Variants in PTPRO observed in about 807,000 individuals in gnomAD.
PTPRO encodes the protein receptor-type tyrosine-protein phosphatase O.
PTPRO carries 62 observed loss-of-function variants against 145.2 expected under a neutral mutation model. The observed-to-expected ratio is 0.43, with a 90% CI of 0.35 to 0.53. PTPRO has a LOEUF of 0.53. Among genes scored for constraint, PTPRO ranks in the 20% least tolerant of loss-of-function variants. PTPRO has a pLI of 0.01. For missense variants in PTPRO, 1,345 were observed against 1,482.7 expected (o/e 0.91, Z 1.53); for synonymous variants, 565 against 514.7 (o/e 1.10, Z -1.32).
intron 1 of PTPRO, among the ~76,000 whole-genome samples, chr12:15,471,650 A>G (rs1941545287): frequency 6.6e-6 from 1 of 152,180 alleles, no homozygotes; most frequent in African/African-American, 2.4e-5. Flanking sequence ...TTGGTCAGAC[A>G]CAATTCTAGG....
chr12:15,401,663 G>A (rs1218282469), intron 1 of PTPRO, among the ~76,000 whole-genome samples: 2 of 152,162 alleles, frequency 1.3e-5, no homozygotes. Context: ...ATTAAAAATT[G>A]TTTATTCATA....
intron 1 of PTPRO, among the ~76,000 whole-genome samples, chr12:15,372,990 G>A (rs909223743): frequency 6.6e-5 from 10 of 152,114 alleles, no homozygotes; most frequent in African/African-American, 1.2e-4. Context: ...TCAGTCAACG[G>A]CATGACTGTC....
chr12:15,386,643 T>C (rs148731379), intron 1 of PTPRO, among the ~76,000 whole-genome samples: 6 of 152,342 alleles, frequency 3.9e-5, no homozygotes, highest in African/African-American at 1.4e-4. Context: ...AGATGCACTG[T>C]ATAATATAGG....
intron 1 of PTPRO, among the ~76,000 whole-genome samples, chr12:15,435,453 C>G (rs1249737230): frequency 1.3e-5 from 2 of 152,042 alleles, no homozygotes. Context: ...TTATTAATGT[C>G]AACAGTGATG....
intron 1 of PTPRO, among the ~76,000 whole-genome samples, chr12:15,385,811 C>CATAAA (rs1939007919): frequency 2.7e-5 from 1 of 37,120 alleles, no homozygotes; most frequent in African/African-American, 9.1e-5. Context: ...GACTCCATCT[C>CATAAA]AAAAAAAAAA....
chr12:15,569,663 C>T (rs1236500332), intron 19 of PTPRO, among the ~76,000 whole-genome samples, 165 bp downstream of exon 19: 1 of 152,072 alleles, frequency 6.6e-6, no homozygotes, highest in African/African-American at 2.4e-5. Context: ...TCAATCCTTG[C>T]TTAGTAGGCA....
At chr12:15,412,915 T>C (rs561219150) in intron 1 of PTPRO, among the ~76,000 whole-genome samples, 3 of 152,280 alleles carry the variant, frequency 2.0e-5, no homozygotes, top group African/African-American at 7.2e-5. Flanking sequence ...TGCCTCAGCC[T>C]CCCAAGTAGA....
chr12:15,354,033 G>A (rs543519585), intron 1 of PTPRO, among the ~76,000 whole-genome samples: 159 of 152,200 alleles, frequency 1.0e-3, no homozygotes, highest in South Asian at 8.5e-3. Flanking sequence ...AGCTGTGTAA[G>A]CTGAACAAAC....
Position 15,595,065 on chromosome 12 carries a change from G to A in PTPRO, c.*16+8G>A. 6.4e-7 allele frequency: 1 copy of A among 1,561,532 alleles called. No homozygotes were observed. The highest frequency in any genetic ancestry group is 8.8e-7 in the Non-Finnish European group (1 of 1,132,836). On this transcript the variant is annotated splice_region_variant and intron_variant, in intron 26 of 26. Transcript: ENST00000281171. Reference sequence around the variant, plus strand: ...AGTTCAGAATCCGGAGCAGTAAGTGGAGAAGAGCTCTCCACGAGTGCTCAG... The same window carrying A: ...AGTTCAGAATCCGGAGCAGTAAGTGAAGAAGAGCTCTCCACGAGTGCTCAG...
chr12:15,409,872 A>G (rs551965537), intron 1 of PTPRO, among the ~76,000 whole-genome samples: 4 of 152,208 alleles, frequency 2.6e-5, no homozygotes, highest in African/African-American at 9.7e-5. Flanking sequence ...ACCTCGCACC[A>G]GGCGCTATCT....
chr12:15,494,765 T>G (rs1942067549), intron 2 of PTPRO, among the ~76,000 whole-genome samples: 1 of 152,244 alleles, frequency 6.6e-6, no homozygotes. Flanking sequence ...GTGGCTTTGA[T>G]GTGCAGACTT....
At chr12:15,342,681 A>C (rs1867042218) in intron 1 of PTPRO, among the ~76,000 whole-genome samples, 1 of 152,112 alleles carries the variant, frequency 6.6e-6, no homozygotes, top group South Asian at 2.1e-4. Flanking sequence ...CCAGCCTCGA[A>C]GTTTTCCTGT....
chr12:15,333,034 T>C (rs968701704), intron 1 of PTPRO, among the ~76,000 whole-genome samples: 5 of 152,188 alleles, frequency 3.3e-5, no homozygotes, highest in African/African-American at 1.2e-4. Flanking sequence ...CTATTGCCAT[T>C]TTTTTCTTTT....
intron 1 of PTPRO, among the ~76,000 whole-genome samples, chr12:15,428,965 A>T (rs372381136): frequency 5.3e-5 from 8 of 152,216 alleles, no homozygotes; most frequent in East Asian, 3.8e-4. Context: ...GGAACTGGTC[A>T]CATAACCATA....
intron 6 of PTPRO, among the ~76,000 whole-genome samples, chr12:15,504,741 G>A (rs1485239503): frequency 4.6e-5 from 7 of 152,122 alleles, no homozygotes; most frequent in South Asian, 2.1e-4. Flanking sequence ...ATGTGCCTCC[G>A]ATCAGTAGAA....
intron 1 of PTPRO, among the ~76,000 whole-genome samples, chr12:15,407,064 C>A (rs1033079994): frequency 2.0e-5 from 3 of 152,196 alleles, no homozygotes; most frequent in South Asian, 4.1e-4. Context: ...AATTCAGTCA[C>A]AATCTCAGTG....
chr12:15,596,022 A>C (rs1030120366), intron 26 of PTPRO, 68 bp from the exon 27 acceptor site: 1 of 152,236 alleles, frequency 6.6e-6, no homozygotes, highest in African/African-American at 2.4e-5. Flanking sequence ...TAGTGAGAGC[A>C]GTGGTGGAGC....
chr12:15,548,584 T>G (rs1252023537), intron 13 of PTPRO, among the ~76,000 whole-genome samples: 1 of 151,860 alleles, frequency 6.6e-6, no homozygotes, highest in Non-Finnish European at 1.5e-5. Context: ...CTTCCCAAAT[T>G]TGTGAAATGA....
At chr12:15,570,964 G>A (rs1944032319) in intron 19 of PTPRO, among the ~76,000 whole-genome samples, 1 of 152,098 alleles carries the variant, frequency 6.6e-6, no homozygotes, top group Non-Finnish European at 1.5e-5. Context: ...TCATTTTCCA[G>A]TAAACATATT....
Sources: allele counts gnomAD v4.1 joint callset (sites outside exome capture counted in the v4.1 genomes callset), GRCh38; gene constraint gnomAD v4.1.1; transcripts MANE v1.5; gene names NCBI Gene and HGNC (gene_info 2026-07-23, HGNC 2026-07-21).